Variants in UTP20 observed in about 807,000 individuals in gnomAD.
The protein encoded by UTP20 is UTP20 small subunit processome component, also known as small subunit processome component 20 homolog.
Under a neutral mutation model 329.5 loss-of-function variants are expected in UTP20, and 164 were observed. The observed-to-expected ratio is 0.50, with a 90% CI of 0.44 to 0.57. The LOEUF (loss-of-function observed/expected upper bound fraction) is 0.57. Ranked by LOEUF, UTP20 falls within the 20% of genes least tolerant of loss-of-function variation. UTP20 has a pLI of 0.00. For synonymous variants in UTP20, 1,151 were observed against 1,159.3 expected (o/e 0.99, Z 0.14); for missense variants, 3,055 against 3,284.2 (o/e 0.93, Z 1.71).
At chr12:101,325,912 G>A (rs879386008) in intron 25 of UTP20, among the ~76,000 whole-genome samples, 5 of 152,162 alleles carry the variant, frequency 3.3e-5, no homozygotes, top group Non-Finnish European at 7.4e-5. Flanking sequence ...CTGATGAGAT[G>A]ATTAATGATA....
In UTP20 at chr12:101,365,987, T is replaced by C. The variant is rs1423899735; in HGVS notation, c.6125+362T>C. 5.3e-5 allele frequency among the ~76,000 whole-genome samples: 8 copies of C among 152,282 alleles called. 1 individual carries two copies. Among genetic ancestry groups the C allele is most frequent in the African/African-American group, 1.9e-4 (8 of 41,532 alleles). ...GGCTCATGCCTGTAATCCCAGCACTTTGGGAAGCTAAGGAGGGCAGATCAC... is the reference window on the plus strand; with the variant it reads ...GGCTCATGCCTGTAATCCCAGCACTCTGGGAAGCTAAGGAGGGCAGATCAC... On this transcript the variant is annotated intron_variant, in intron 46 of 61. Coordinates refer to ENST00000261637, the MANE Select transcript of UTP20 (RefSeq NM_014503.3).
In UTP20 at chr12:101,301,353, C is replaced by T. The variant is rs528676210; in HGVS notation, c.1676-1095C>T. The stretch of plus-strand genomic sequence containing the variant: ...TGGGACACATAGTGAGAGCCCCCCC[C>T]GCCCAACTCTGACTCTCTATTTAAA... On this transcript the variant is annotated intron_variant, in intron 14 of 61. Transcript: ENST00000261637. 1.1e-3 allele frequency among the ~76,000 whole-genome samples: 168 copies of T among 149,668 alleles called. 1 individual carries two copies. The highest frequency in any genetic ancestry group is 3.5e-3 in the African/African-American group (140 of 40,346).
In UTP20 at chr12:101,381,224, G is replaced by A. The variant is rs1870635107; in HGVS notation, c.7656+13G>A. The A allele has an allele frequency of 6.2e-7, 1 of 1,608,422 alleles. No homozygotes were observed. Among genetic ancestry groups the A allele is most frequent in the Non-Finnish European group, 8.5e-7 (1 of 1,174,896 alleles). On this transcript the variant is annotated intron_variant, in intron 58 of 61. Coordinates refer to ENST00000261637, the MANE Select transcript of UTP20 (RefSeq NM_014503.3). ...TCTAGGAGAACAGGTAAGAATTGTA[G>A]TTCTCCCAGTTTAAAAGAAGGGGCC...
rs952491692 is a variant in UTP20, at chr12:101,291,977, C to T, written c.1046C>T (p.Ser349Phe). ...TGTTTTTTCTTTTTGCAGGTGTTAT[C>T]TCAAACACTGCAAGTAGCCAGTCTC... ...PTPADVCKVL[S>F]QTLQVASLST... The change falls in exon 10 of 62, where the codon TCT becomes TTT. Residue 349 changes from serine to phenylalanine, a missense_variant. Coordinates refer to ENST00000261637, the MANE Select transcript of UTP20 (RefSeq NM_014503.3). 2 of 1,612,262 alleles carry T rather than the reference C, an allele frequency of 1.2e-6. No homozygotes were observed. Among genetic ancestry groups the T allele is most frequent in the African/African-American group, 2.7e-5 (2 of 74,792 alleles).
chr12:101,375,789 C>T (rs779930466), intron 56 of UTP20, 33 bp downstream of exon 56: 93 of 1,305,076 alleles, frequency 7.1e-5, no homozygotes, highest in Non-Finnish European at 9.6e-5. Context: ...AAATCAAACA[C>T]ATTTGTTGTC....
intron 19 of UTP20, among the ~76,000 whole-genome samples, chr12:101,311,129 A>G (rs998475696): frequency 2.0e-5 from 3 of 152,218 alleles, no homozygotes; most frequent in South Asian, 2.1e-4. Flanking sequence ...GTCAGTTCCC[A>G]ACATATATAA....
At position 101,383,265 on chromosome 12, in the gene UTP20, C is replaced by A; in HGVS notation, c.7881C>A (p.Ser2627=). 6.2e-7 allele frequency: 1 copy of A among 1,614,018 alleles called. No individual in the cohort carries two copies. The highest frequency in any genetic ancestry group is 2.2e-5 in the East Asian group (1 of 44,886). Residue 2627 remains serine, a synonymous_variant, in exon 59 of 62, where the codon TCC becomes TCA. Transcript: ENST00000261637. ...ATLLWLIQKL[S]RIAKLEAAYS... ...TGCTGTGGTTGATCCAGAAGCTGTC[C>A]CGGATTGCAAAACTGGAAGCTGCTT...
In UTP20 at chr12:101,300,006, C is replaced by T. The variant is rs1242670363; in HGVS notation, c.1620C>T (p.Val540=). 1.2e-6 allele frequency: 2 copies of T among 1,614,130 alleles called. No individual in the cohort carries two copies. The highest frequency in any genetic ancestry group is 8.5e-7 in the Non-Finnish European group (1 of 1,180,012). Residue 540 remains valine, a synonymous_variant, in exon 14 of 62, where the codon GTC becomes GTT. Transcript: ENST00000261637. ...PLEKEKVIPL[V]TGFIEALFMT... is the part of the protein sequence containing the mutation. Reference sequence around the variant, plus strand: ...AGAAAGAGAAGGTGATACCACTCGTCACCGGCTTCATAGAGGCACTCTTCA... The same window carrying T: ...AGAAAGAGAAGGTGATACCACTCGTTACCGGCTTCATAGAGGCACTCTTCA...
chr12:101,385,447 TTTTG>T, intron 60 of UTP20, 132 bp from the exon 61 acceptor site: 1 of 1,014,292 alleles, frequency 9.9e-7, no homozygotes, highest in Non-Finnish European at 1.4e-6. Flanking sequence ...AGAGTTGAAA[TTTTG>T]TTTTGTTTTA....
chr12:101,383,255 A>G lies in UTP20; in HGVS notation c.7871A>G (p.Gln2624Arg). 6.2e-7 allele frequency: 1 copy of G among 1,614,226 alleles called. No individual in the cohort carries two copies. The highest frequency in any genetic ancestry group is 1.3e-5 in the African/African-American group (1 of 75,060). ...GRPATLLWLI[Q>R]KLSRIAKLEA... ...CCGGCCACGCTGCTGTGGTTGATCC[A>G]GAAGCTGTCCCGGATTGCAAAACTG... Residue 2624 changes from glutamine to arginine, a missense_variant, in exon 59 of 62, where the codon CAG (glutamine) becomes CGG (arginine). Around this residue, in one of 3 missense-constraint regions of UTP20, gnomAD observed 337 missense variants for 345.5 expected, o/e 0.98. Transcript: ENST00000261637.
intron 2 of UTP20, among the ~76,000 whole-genome samples, chr12:101,284,103 T>C (rs1398922723): frequency 6.6e-6 from 1 of 152,188 alleles, no homozygotes; most frequent in Non-Finnish European, 1.5e-5. Flanking sequence ...TTATTTCAAC[T>C]TTGATTTTAG....
At chr12:101,308,111 G>T in intron 17 of UTP20, 74 bp from the exon 18 acceptor site, 5 of 1,297,586 alleles carry the variant, frequency 3.9e-6, no homozygotes, top group South Asian at 4.4e-5. Context: ...TTAGACCTTT[G>T]GTCACATTTA....
intron 39 of UTP20, 116 bp from the exon 40 acceptor site, chr12:101,352,924 TAAAATTA>T (rs1361713880): frequency 1.1e-5 from 5 of 469,202 alleles, no homozygotes; most frequent in African/African-American, 9.9e-5. Context: ...TAATACTTGT[TAAAATTA>T]AAAATACTAA....
intron 25 of UTP20, among the ~76,000 whole-genome samples, chr12:101,324,883 C>T (rs371994011): frequency 2.0e-5 from 3 of 151,954 alleles, no homozygotes; most frequent in African/African-American, 4.8e-5. Context: ...TTTATAACTA[C>T]GTTTTGTTCT....
intron 42 of UTP20, 41 bp downstream of exon 42, chr12:101,356,734 A>G (rs1173077242): frequency 1.3e-6 from 2 of 1,582,140 alleles, no homozygotes; most frequent in Non-Finnish European, 1.7e-6. Context: ...GAAACTCAAA[A>G]ATTGGTTCTT....
intron 51 of UTP20, 93 bp downstream of exon 51, chr12:101,371,261 C>A: frequency 1.1e-6 from 1 of 913,426 alleles, no homozygotes; most frequent in Non-Finnish European, 1.6e-6. Context: ...CTGAAGACCA[C>A]CTTGTGTCGT....
rs760075755 is a variant in UTP20, at chr12:101,374,962, A to G, written c.7263+23A>G. The G allele has an allele frequency of 3.2e-6, 5 of 1,580,466 alleles. No homozygotes were observed. The African/African-American group carries it at 5.4e-5, about 17-fold the overall frequency. The stretch of plus-strand genomic sequence containing the variant: ...GATGTAAGTAATTTGCTAGGGAATA[A>G]AACTTTTCTAACTTATAGTTTTACT... On this transcript the variant is annotated intron_variant, in intron 55 of 61. Transcript: ENST00000261637.
intron 32 of UTP20, among the ~76,000 whole-genome samples, chr12:101,341,157 C>T (rs577382001): frequency 5.3e-5 from 8 of 151,430 alleles, no homozygotes; most frequent in Non-Finnish European, 8.9e-5. Context: ...TTTGTATTTT[C>T]AATAGGGATG....
chr12:101,312,084 A>G lies in UTP20; in HGVS notation c.2360A>G (p.Glu787Gly), dbSNP rs1389337278. The G allele has an allele frequency of 6.2e-7, 1 of 1,614,132 alleles. No individual in the cohort carries two copies. Among genetic ancestry groups the G allele is most frequent in the African/African-American group, 1.3e-5 (1 of 74,950 alleles). The change falls in exon 21 of 62, where the codon GAA becomes GGA. Residue 787 changes from glutamate to glycine, a missense_variant. Physicochemically the swap from Glu to Gly is moderately conservative, Grantham distance 98. Coordinates refer to ENST00000261637, the MANE Select transcript of UTP20 (RefSeq NM_014503.3). ...DMTDEKSVGD[E>G]SWEQTQEGDV... is the part of the protein sequence containing the mutation. ...ACAGATGAGAAGTCCGTTGGAGATG[A>G]AAGTTGGGAGCAGACCCAGGAAGGA...
Sources: gnomAD v4.1 joint callset for allele counts (sites outside exome capture counted in the v4.1 genomes callset) on GRCh38, gnomAD v4.1.1 for gene constraint, gnomAD v4.1.1 regional missense constraint, MANE v1.5 for transcripts, NCBI Gene and HGNC (gene_info 2026-07-23, HGNC 2026-07-21) for gene names.